The following PCDHGA1 variants were observed in gnomAD, a reference collection of about 807,000 sequenced individuals.
PCDHGA1 encodes protocadherin gamma-A1.
Under a neutral mutation model 58.0 loss-of-function variants are expected in PCDHGA1, and 32 were observed. The observed-to-expected ratio is 0.55, with a 90% CI of 0.42 to 0.74. PCDHGA1 has a LOEUF of 0.74. Among genes scored for constraint, PCDHGA1 ranks in the 30% least tolerant of loss-of-function variants. PCDHGA1 has a pLI of 0.00. For missense variants in PCDHGA1, 1,205 were observed against 1,182.3 expected (o/e 1.02, Z -0.28); for synonymous variants, 498 against 501.1 (o/e 0.99, Z 0.08).
intron 1 of PCDHGA1, among the ~76,000 whole-genome samples, chr5:141,348,096 C>T (rs1758063595): frequency 6.6e-6 from 1 of 152,210 alleles, no homozygotes; most frequent in Non-Finnish European, 1.5e-5. Context: ...AAATTGTTGG[C>T]TTATTCTGCA....
intron 1 of PCDHGA1, among the ~76,000 whole-genome samples, chr5:141,465,907 G>C (rs1367648934): frequency 6.6e-6 from 1 of 152,056 alleles, no homozygotes; most frequent in East Asian, 1.9e-4. Flanking sequence ...CAAATCACGA[G>C]GTCAGGATTT....
intron 1 of PCDHGA1, chr5:141,338,812 G>T (rs764515941): frequency 5.1e-6 from 7 of 1,378,984 alleles, no homozygotes; most frequent in Non-Finnish European, 6.5e-6. Flanking sequence ...TGGCCCTAAA[G>T]CTTCAGGACA....
intron 1 of PCDHGA1, chr5:141,345,843 C>T: frequency 1.2e-6 from 2 of 1,613,502 alleles, no homozygotes; most frequent in Non-Finnish European, 1.7e-6. Context: ...GAACGCCTGG[C>T]TGTCCTACCG....
chr5:141,505,911 A>C (rs2099849083), intron 3 of PCDHGA1, among the ~76,000 whole-genome samples: 1 of 152,154 alleles, frequency 6.6e-6, no homozygotes, highest in South Asian at 2.1e-4. Flanking sequence ...CAAAGCATAG[A>C]GTTCTGGGCC....
intron 1 of PCDHGA1, chr5:141,393,960 G>T: frequency 6.2e-7 from 1 of 1,613,944 alleles, no homozygotes; most frequent in South Asian, 1.1e-5. Context: ...TGGTCAAGTT[G>T]TCTGTTACAC....
chr5:141,465,312 A>G (rs2099100692), intron 1 of PCDHGA1, among the ~76,000 whole-genome samples: 1 of 152,314 alleles, frequency 6.6e-6, no homozygotes, highest in South Asian at 2.1e-4. Flanking sequence ...GAATTTAGCC[A>G]TGTCAATGCA....
intron 1 of PCDHGA1, chr5:141,341,468 A>G (rs1757061287): frequency 6.3e-7 from 1 of 1,593,298 alleles, no homozygotes; most frequent in African/African-American, 1.4e-5. Flanking sequence ...TACTATATCT[A>G]TTTTGTTCCC....
At chr5:141,356,719 A>G (rs373889341) in intron 1 of PCDHGA1, 4 of 1,613,854 alleles carry the variant, frequency 2.5e-6, no homozygotes, top group Non-Finnish European at 3.4e-6. Context: ...CTATGTCTCC[A>G]TCAACTCCAA....
intron 1 of PCDHGA1, chr5:141,371,744 C>T: frequency 1.2e-6 from 2 of 1,614,040 alleles, no homozygotes; most frequent in East Asian, 2.2e-5. Flanking sequence ...ACAACGTTCC[C>T]GTTTTCCACC....
At position 141,499,689 on chromosome 5, in the gene PCDHGA1, C is replaced by CTT. The variant is rs545067566; in HGVS notation, c.2480+4845_2480+4846dup. 4.8e-3 allele frequency among the ~76,000 whole-genome samples: 577 copies of CTT among 119,808 alleles called. 2 individuals carry two copies. Among genetic ancestry groups the CTT allele is most frequent in the Non-Finnish European group, 6.7e-3 (386 of 57,912 alleles). 78.6% of individuals were successfully genotyped at this position (119,808 alleles called of 152,430 possible). A position where few individuals can be genotyped will look rare whatever the true frequency, so the allele number is the denominator to read the frequency against. On this transcript the variant is annotated intron_variant, in intron 2 of 3. Coordinates refer to ENST00000517417, the MANE Select transcript of PCDHGA1 (RefSeq NM_018912.3). ...GGTCTCCACCATCTTTAACAGATGA[C>CTT]TTTTTTTTTTTTTTTTTTTTTTGGA...
chr5:141,330,631 C>T lies in PCDHGA1; in HGVS notation c.-54C>T. ...TTGGGTTAATTTCAGCTCAGAAAAG[C>T]AGAAACGATACCCTTGGTACTGGAC... is the stretch of plus-strand genomic sequence containing the variant. On this transcript the variant is annotated 5_prime_UTR_variant, in exon 1 of 4. Coordinates refer to ENST00000517417, the MANE Select transcript of PCDHGA1 (RefSeq NM_018912.3). 1 of 1,512,994 alleles carries T rather than the reference C, an allele frequency of 6.6e-7. No individual in the cohort carries two copies. Among genetic ancestry groups the T allele is most frequent in the South Asian group, 1.3e-5 (1 of 74,332 alleles). The allele number at this position is 1,512,994 out of a possible 1,614,324, so 93.7% of individuals were successfully genotyped here. A position where few individuals can be genotyped will look rare whatever the true frequency, so the allele number is the denominator to read the frequency against.
intron 1 of PCDHGA1, chr5:141,392,749 A>G (rs2092584642): frequency 6.9e-7 from 1 of 1,449,652 alleles, no homozygotes; most frequent in Admixed American, 2.8e-5. Flanking sequence ...AGCTGCGGCA[A>G]GAAACTAAAT....
chr5:141,338,895 C>T, intron 1 of PCDHGA1: 1 of 1,481,044 alleles, frequency 6.8e-7, no homozygotes, highest in Non-Finnish European at 9.0e-7. Context: ...CTGGTTATCT[C>T]ACACCCTGAG....
At position 141,361,962 on chromosome 5, in the gene PCDHGA1, G is replaced by A. The variant is rs773228526; in HGVS notation, c.2421+28857G>A. 5.6e-6 allele frequency: 9 copies of A among 1,602,186 alleles called. No individual in the cohort carries two copies. In the South Asian group the frequency reaches 8.8e-5, roughly 16 times the overall value. On this transcript the variant is annotated intron_variant, in intron 1 of 3. Transcript: ENST00000517417. ...ACGCTTGGCTGTCCTACCACGTGCTGCAGGCCAGCGAGCCCGGGCTCTTCA... is the reference window on the plus strand; with the variant it reads ...ACGCTTGGCTGTCCTACCACGTGCTACAGGCCAGCGAGCCCGGGCTCTTCA...
rs1561486334 is a variant in PCDHGA1 at position 141,343,337 on chromosome 5, T to A, written c.2421+10232T>A. 4 of 981,868 alleles carry A rather than the reference T, an allele frequency of 4.1e-6. No individual in the cohort carries two copies. The East Asian group carries it at 3.4e-4, about 84-fold the overall frequency. 60.8% of individuals were successfully genotyped at this position (981,868 alleles called of 1,614,324 possible). A position where few individuals can be genotyped will look rare whatever the true frequency, so the allele number is the denominator to read the frequency against. On this transcript the variant is annotated intron_variant, in intron 1 of 3. Coordinates refer to ENST00000517417, the MANE Select transcript of PCDHGA1 (RefSeq NM_018912.3). ...TGTGTGTTTCTTTTCTTTTTTTCCT[T>A]GTCTCAGCTCTTAGAGAGTTAAGAG...
chr5:141,396,727 G>T (rs2093426642), intron 1 of PCDHGA1: 1 of 152,114 alleles, frequency 6.6e-6, no homozygotes, highest in Non-Finnish European at 1.5e-5. Flanking sequence ...TACCTGAATT[G>T]ATTGTTGTAA....
intron 1 of PCDHGA1, chr5:141,442,056 C>T: frequency 5.0e-6 from 1 of 198,150 alleles, no homozygotes; most frequent in Non-Finnish European, 1.0e-5. Flanking sequence ...GGTCGCGGTG[C>T]ACTGCGGTGG....
At chr5:141,404,482 C>T (rs758102201) in intron 1 of PCDHGA1, 2 of 1,613,594 alleles carry the variant, frequency 1.2e-6, no homozygotes, top group East Asian at 2.2e-5. Context: ...TTAACTCAGA[C>T]ACTGGTGTGC....
Position 141,432,726 on chromosome 5 carries a change from C to T in PCDHGA1, c.2422-62081C>T, listed in dbSNP as rs777248611. The T allele has an allele frequency of 3.1e-6, 5 of 1,614,092 alleles. No homozygotes were observed. Among genetic ancestry groups the T allele is most frequent in the Non-Finnish European group, 3.4e-6 (4 of 1,179,998 alleles). On this transcript the variant is annotated intron_variant, in intron 1 of 3. Coordinates refer to ENST00000517417, the MANE Select transcript of PCDHGA1 (RefSeq NM_018912.3). This position sits in a 1 kb window ranked among gnomAD's most constrained non-coding sequence, Gnocchi z 6.0. ...GACCACGGCCAGCCCCCTCTCTCCG[C>T]CACTGTCACGCTCACCGTGGCCGTG...
Sources: gnomAD v4.1 joint callset for allele counts (sites outside exome capture counted in the v4.1 genomes callset) on GRCh38, gnomAD v4.1.1 for gene constraint, Gnocchi (gnomAD v3.1) non-coding constraint, MANE v1.5 for transcripts, NCBI Gene and HGNC (gene_info 2026-07-23, HGNC 2026-07-21) for gene names.